ZCCHC2: variants seen among roughly 807,000 people sequenced by gnomAD.
ZCCHC2 encodes zinc finger CCHC-type containing 2, also known as zinc finger CCHC domain-containing protein 2.
A neutral mutation model predicts 103.6 loss-of-function variants in ZCCHC2; 39 were observed. That is an observed-to-expected ratio of 0.38 (90% CI 0.29 to 0.49). The LOEUF is 0.49. Ranked by LOEUF, ZCCHC2 falls within the 20% of genes least tolerant of loss-of-function variation. The probability of loss-of-function intolerance (pLI) is 0.96; values close to 1 mark genes in which losing one functional copy is unlikely to be tolerated. For synonymous variants in ZCCHC2, 687 were observed against 608.9 expected, an observed-to-expected ratio of 1.13 and a Z score of -1.89; for missense variants, 1,483 against 1,491.0, an observed-to-expected ratio of 0.99 and a Z score of 0.09.
At chr18:62,542,645 G>T in intron 3 of ZCCHC2, 71 bp downstream of exon 3, 1 of 1,358,076 alleles carries the variant, frequency 7.4e-7, no homozygotes, top group East Asian at 2.5e-5. Context: ...CTTGTGGCAG[G>T]TTTGCTAATT....
At chr18:62,525,126 G>C (rs1914316001) in intron 1 of ZCCHC2, 1 of 152,216 alleles carries the variant, frequency 6.6e-6, no homozygotes. Flanking sequence ...CTTGATTCCT[G>C]CCTACAGATT....
At chr18:62,535,091 C>T (rs1249620735) in intron 1 of ZCCHC2, among the ~76,000 whole-genome samples, 1 of 152,196 alleles carries the variant, frequency 6.6e-6, no homozygotes, top group Non-Finnish European at 1.5e-5. Context: ...CTGACGACCC[C>T]TTGGCCTCCC....
At position 62,523,794 on chromosome 18, in the gene ZCCHC2, C is replaced by A; in HGVS notation, c.370C>A (p.Pro124Thr). Residue 124 changes from proline to threonine, a missense_variant, in exon 1 of 14, where the codon CCG becomes ACG. Physicochemically the swap from Pro to Thr is conservative, Grantham distance 38. This residue lies in a region of ZCCHC2 where 568 missense variants were observed against 525.1 expected (regional missense o/e 1.08). Transcript: ENST00000269499. ...FMCGLLDLCN[P>T]LELRFLGSCL... Reference sequence around the variant, plus strand: ...GTGCGGGCTGCTGGACCTGTGCAACCCGCTGGAGCTGCGCTTCCTTGGCTC... The same window carrying A: ...GTGCGGGCTGCTGGACCTGTGCAACACGCTGGAGCTGCGCTTCCTTGGCTC... 6.5e-7 allele frequency: 1 copy of A among 1,541,718 alleles called. No individual in the cohort carries two copies. Among genetic ancestry groups the A allele is most frequent in the Non-Finnish European group, 8.7e-7 (1 of 1,146,132 alleles).
rs1916744508 is a variant in ZCCHC2, at chr18:62,574,750, G to A, written c.2669G>A (p.Gly890Glu). The change falls in exon 13 of 14, where the codon GGG becomes GAG. Residue 890 changes from glycine (G) to glutamate (E), a missense_variant. Gly to Glu is a moderately conservative substitution (Grantham distance 98, BLOSUM62 -2). Coordinates refer to ENST00000269499, the MANE Select transcript of ZCCHC2 (RefSeq NM_017742.6). ...GTGCCTCAAATTGAGGGAAACACAG[G>A]GACAGTCCCTCAGCCTACCAATGTG... ...QMVPQIEGNT[G>E]TVPQPTNVKV... 6.2e-7 allele frequency: 1 copy of A among 1,613,860 alleles called. No individual in the cohort carries two copies. The highest frequency in any genetic ancestry group is 1.3e-5 in the African/African-American group (1 of 74,906).
At chr18:62,533,976 A>C (rs867184873) in intron 1 of ZCCHC2, among the ~76,000 whole-genome samples, 2 of 152,058 alleles carry the variant, frequency 1.3e-5, no homozygotes, top group African/African-American at 4.8e-5. Flanking sequence ...GCAGTTATAT[A>C]GGATAGGTAC....
Position 62,577,999 on chromosome 18 carries a change from A to G in ZCCHC2, c.*1420A>G, listed in dbSNP as rs963533354. The G allele has an allele frequency of 4.6e-5, 7 of 152,792 alleles. No individual in the cohort carries two copies. The East Asian group carries it at 1.3e-3, about 29-fold the overall frequency. 9.5% of individuals were successfully genotyped at this position (152,792 alleles called of 1,614,324 possible). A position where few individuals can be genotyped will look rare whatever the true frequency, so the allele number is the denominator to read the frequency against. On this transcript the variant is annotated 3_prime_UTR_variant, in exon 14 of 14. Coordinates refer to ENST00000269499, the MANE Select transcript of ZCCHC2 (RefSeq NM_017742.6). Reference sequence around the variant, plus strand: ...TTTTATTGTTTGGAGTAACGTTGGTATGCAGCAGAGGAACGTAAACATTTG... The same window carrying G: ...TTTTATTGTTTGGAGTAACGTTGGTGTGCAGCAGAGGAACGTAAACATTTG...
At chr18:62,549,256 G>A (rs1037366594) in intron 4 of ZCCHC2, among the ~76,000 whole-genome samples, 4 of 152,188 alleles carry the variant, frequency 2.6e-5, no homozygotes, top group African/African-American at 7.2e-5. Flanking sequence ...AGACCTGGTG[G>A]TCAGAGGGCA....
chr18:62,528,599 G>GAA (rs11409827), intron 1 of ZCCHC2, among the ~76,000 whole-genome samples: 20,142 of 144,668 alleles, frequency 0.14, 1,695 homozygotes, highest in African/African-American at 0.22. Flanking sequence ...ACTGTCTCGG[G>GAA]AAAAAAAAAA....
chr18:62,554,871 G>C (rs769284415), intron 5 of ZCCHC2, among the ~76,000 whole-genome samples: 8 of 152,134 alleles, frequency 5.3e-5, no homozygotes, highest in Non-Finnish European at 1.2e-4. Context: ...TTTCACATTA[G>C]AAGACCAAGA....
At chr18:62,529,840 C>T (rs547171366) in intron 1 of ZCCHC2, among the ~76,000 whole-genome samples, 102 of 152,244 alleles carry the variant, frequency 6.7e-4, no homozygotes, top group African/African-American at 2.2e-3. Context: ...TTTCTACATC[C>T]GGGGATTCAA....
intron 8 of ZCCHC2, among the ~76,000 whole-genome samples, chr18:62,560,886 A>G (rs189387762): frequency 3.3e-5 from 5 of 151,888 alleles, no homozygotes; most frequent in Admixed American, 2.6e-4. Context: ...TAGTTTTACA[A>G]TGAAAGTTCT....
At chr18:62,561,803 G>A (rs1402144699) in intron 8 of ZCCHC2, among the ~76,000 whole-genome samples, 3 of 152,138 alleles carry the variant, frequency 2.0e-5, no homozygotes, top group African/African-American at 4.8e-5. Flanking sequence ...AGGTTTTGTT[G>A]TTGTCTGGTT....
chr18:62,536,301 C>T (rs760739632), intron 1 of ZCCHC2, among the ~76,000 whole-genome samples: 2 of 152,200 alleles, frequency 1.3e-5, no homozygotes, highest in African/African-American at 4.8e-5. Context: ...GAATGCACTC[C>T]TACTAAAGTT....
chr18:62,533,529 A>C (rs1055909945), intron 1 of ZCCHC2, among the ~76,000 whole-genome samples: 1 of 151,996 alleles, frequency 6.6e-6, no homozygotes, highest in Non-Finnish European at 1.5e-5. Flanking sequence ...CGTCTCAAAA[A>C]AAGAAAAAAG....
intron 9 of ZCCHC2, among the ~76,000 whole-genome samples, chr18:62,564,263 ATAG>A (rs1916249565): frequency 6.6e-6 from 1 of 152,242 alleles, no homozygotes; most frequent in African/African-American, 2.4e-5. Flanking sequence ...CTTGAAGAGA[ATAG>A]TAGTAAACCT....
chr18:62,548,292 G>T (rs1915505511), intron 4 of ZCCHC2, among the ~76,000 whole-genome samples: 1 of 151,844 alleles, frequency 6.6e-6, no homozygotes, highest in African/African-American at 2.4e-5. Flanking sequence ...CTTTCTTTAG[G>T]ACTGCAAATA....
rs1342252284 is a variant in ZCCHC2, at chr18:62,577,634, A to G, written c.*1055A>G. 6.6e-6 allele frequency: 1 copy of G among 152,612 alleles called. No individual in the cohort carries two copies. The allele number at this position is 152,612 out of a possible 1,614,324, so 9.5% of individuals were successfully genotyped here. ...CTAACCTGTCTCTCATAGCAAAGTC[A>G]CTTTTATAACAGTTTACCACTATGC... On this transcript the variant is annotated 3_prime_UTR_variant, in exon 14 of 14. Coordinates refer to ENST00000269499, the MANE Select transcript of ZCCHC2 (RefSeq NM_017742.6).
rs756784835 is a variant in ZCCHC2 at position 62,523,463 on chromosome 18, C to T, written c.39C>T (p.Pro13=). 6 of 1,094,038 alleles carry T rather than the reference C, an allele frequency of 5.5e-6. No homozygotes were observed. The highest frequency in any genetic ancestry group is 2.1e-5 in the South Asian group (1 of 46,730). 67.8% of individuals were successfully genotyped at this position (1,094,038 alleles called of 1,614,324 possible). A position where few individuals can be genotyped will look rare whatever the true frequency, so the allele number is the denominator to read the frequency against. ...RMKLPLKPTH[P]AEPPPEAEEP... is the part of the protein sequence containing the mutation. ...AGCTGCCGCTGAAGCCAACGCACCC[C>T]GCGGAGCCGCCGCCCGAGGCGGAGG... is the stretch of plus-strand genomic sequence containing the variant. Residue 13 remains proline, a synonymous_variant, in exon 1 of 14, where the codon CCC becomes CCT. Transcript: ENST00000269499.
chr18:62,555,637 C>T (rs944129042), intron 5 of ZCCHC2, among the ~76,000 whole-genome samples: 11 of 152,154 alleles, frequency 7.2e-5, no homozygotes, highest in South Asian at 6.2e-4. Context: ...GGTGAAACCC[C>T]GTCTCTACTA....
Sources: allele counts gnomAD v4.1 joint callset (sites outside exome capture counted in the v4.1 genomes callset), GRCh38; gene constraint gnomAD v4.1.1; regional missense constraint gnomAD v4.1.1; transcripts MANE v1.5; gene names NCBI Gene and HGNC (gene_info 2026-07-23, HGNC 2026-07-21).